Variants in ANKRD50 observed in about 807,000 individuals in gnomAD.
The protein encoded by ANKRD50 is ankyrin repeat domain-containing protein 50.
In ANKRD50, 40 loss-of-function variants were observed where a neutral mutation model predicts 112.0. The observed-to-expected ratio is 0.36, with a 90% CI of 0.28 to 0.46. ANKRD50 has a LOEUF of 0.46. ANKRD50 is among the 20% of genes least tolerant of loss of function. The pLI is 1.00. For missense variants in ANKRD50, 1,487 were observed against 1,701.7 expected, an observed-to-expected ratio of 0.87 and a Z score of 2.22; for synonymous variants, 613 against 619.1, an observed-to-expected ratio of 0.99 and a Z score of 0.15.
At chr4:124,681,461 TCAGGACCCAGCCC>T (rs1724884502) in intron 2 of ANKRD50, among the ~76,000 whole-genome samples, 1 of 152,106 alleles carries the variant, frequency 6.6e-6, no homozygotes, top group Admixed American at 6.5e-5. Flanking sequence ...GTACTGTGTC[TCAGGACCCAGCCC>T]CGCCTCTTCC....
At chr4:124,702,926 A>T (rs1725421821) in intron 2 of ANKRD50, among the ~76,000 whole-genome samples, 1 of 152,090 alleles carries the variant, frequency 6.6e-6, no homozygotes, top group Non-Finnish European at 1.5e-5. Flanking sequence ...TAGTTTAAAC[A>T]TAGGTTAGTG....
At position 124,710,467 on chromosome 4, in the gene ANKRD50, G is replaced by C; in HGVS notation, c.45C>G (p.Thr15=). The change falls in exon 2 of 5, where the codon ACC becomes ACG. Residue 15 remains threonine (T), a synonymous_variant. Coordinates refer to ENST00000504087, the MANE Select transcript of ANKRD50 (RefSeq NM_020337.3). ...AAAACTGCTTCCCTTGCAGTAAACT[G>C]GTTTGAGCCATTTTGCAGACTTTCT... ...WEEKVCKMAQ[T]SLLQGKQFYC... 1 of 1,613,810 alleles carries C rather than the reference G, an allele frequency of 6.2e-7. No individual in the cohort carries two copies.
chr4:124,672,415 T>C lies in ANKRD50; in HGVS notation c.862A>G (p.Thr288Ala). 6 of 1,613,252 alleles carry C rather than the reference T, an allele frequency of 3.7e-6. No homozygotes were observed. Among genetic ancestry groups the C allele is most frequent in the Non-Finnish European group, 5.1e-6 (6 of 1,179,684 alleles). ...TGCAGTTGATTTAACATCTCTGCAG[T>C]TTCTTTTGTGAGGTGTTGTCGCAAA... ...EALRQHLTKE[T>A]AEMLNQLHIK... Residue 288 changes from threonine (T) to alanine (A), a missense_variant, in exon 4 of 5, where the codon ACT becomes GCT. Coordinates refer to ENST00000504087, the MANE Select transcript of ANKRD50 (RefSeq NM_020337.3).
chr4:124,680,717 A>G (rs1724866918), intron 2 of ANKRD50, among the ~76,000 whole-genome samples: 1 of 152,194 alleles, frequency 6.6e-6, no homozygotes, highest in Non-Finnish European at 1.5e-5. Flanking sequence ...GCACACAGGA[A>G]GCCATCTTAA....
intron 2 of ANKRD50, among the ~76,000 whole-genome samples, chr4:124,695,281 G>A (rs1725228471): frequency 6.6e-6 from 1 of 152,148 alleles, no homozygotes; most frequent in Non-Finnish European, 1.5e-5. Flanking sequence ...TCCAAAGTGA[G>A]CAAAAGAATG....
chr4:124,685,782 C>T (rs568732975), intron 2 of ANKRD50, among the ~76,000 whole-genome samples: 9 of 148,146 alleles, frequency 6.1e-5, no homozygotes, highest in Non-Finnish European at 1.1e-4. Context: ...ATTTAAAATC[C>T]TAGAGTTAGT....
At chr4:124,696,079 T>C (rs895024656) in intron 2 of ANKRD50, among the ~76,000 whole-genome samples, 2 of 152,052 alleles carry the variant, frequency 1.3e-5, no homozygotes, top group Admixed American at 1.3e-4. Flanking sequence ...ATAATGCAAA[T>C]ATTTTTGCTA....
intron 2 of ANKRD50, among the ~76,000 whole-genome samples, chr4:124,696,390 A>T (rs1300128545): frequency 1.3e-5 from 2 of 152,132 alleles, no homozygotes; most frequent in Admixed American, 1.3e-4. Context: ...GAACACAGTT[A>T]AAAGGTACAA....
At chr4:124,700,964 A>C (rs1358490831) in intron 2 of ANKRD50, among the ~76,000 whole-genome samples, 1 of 152,224 alleles carries the variant, frequency 6.6e-6, no homozygotes, top group South Asian at 2.1e-4. Context: ...AGAGAAATAC[A>C]CTTTTTTGTG....
chr4:124,688,991 C>T (rs962184114), intron 2 of ANKRD50, among the ~76,000 whole-genome samples: 4 of 152,092 alleles, frequency 2.6e-5, no homozygotes, highest in Non-Finnish European at 5.9e-5. Flanking sequence ...AGAGGTCTTC[C>T]CTGACTACAT....
intron 2 of ANKRD50, among the ~76,000 whole-genome samples, chr4:124,705,263 C>T (rs76990883): frequency 0.012 from 1,758 of 152,296 alleles, 51 homozygotes; most frequent in East Asian, 0.08. Context: ...ATTTGGTCTC[C>T]CAGTTTGCAC....
chr4:124,669,411 C>G lies in ANKRD50; in HGVS notation c.3866G>C (p.Ser1289Thr), dbSNP rs765620183. The G allele has an allele frequency of 6.2e-7, 1 of 1,613,210 alleles. No individual in the cohort carries two copies. The highest frequency in any genetic ancestry group is 1.7e-5 in the Admixed American group (1 of 59,824). ...SGSAGKKAKQ[S>T]NSSQPKVLEY... is the part of the protein sequence containing the mutation. ...TAAAACCTTTGGCTGTGAAGAATTA[C>G]TTTGTTTCGCTTTTTTCCCAGCTGA... The change falls in exon 4 of 5, where the codon AGT (serine) becomes ACT (threonine). Residue 1289 changes from serine to threonine, a missense_variant. Ser to Thr is a moderately conservative substitution (Grantham distance 58). Transcript: ENST00000504087.
chr4:124,685,436 C>G (rs1450538847), intron 2 of ANKRD50, among the ~76,000 whole-genome samples: 3 of 152,168 alleles, frequency 2.0e-5, no homozygotes, highest in Admixed American at 6.5e-5. Context: ...AAGTGACACA[C>G]AGATTCACAT....
rs1421509914 is a variant in ANKRD50 at position 124,711,122 on chromosome 4, C to T, written c.-611G>A. 5.0e-6 allele frequency: 1 copy of T among 199,172 alleles called. No homozygotes were observed. Among genetic ancestry groups the T allele is most frequent in the African/African-American group, 2.3e-5 (1 of 43,442 alleles). 12.3% of individuals were successfully genotyped at this position (199,172 alleles called of 1,614,324 possible). A position where few individuals can be genotyped will look rare whatever the true frequency, so the allele number is the denominator to read the frequency against. The stretch of plus-strand genomic sequence containing the variant: ...GCCAGGAACTGTTTCAGATTATAGT[C>T]TCTTATGTGGCAGAAATGACAACCA... On this transcript the variant is annotated 5_prime_UTR_variant, in exon 2 of 5. Coordinates refer to ENST00000504087, the MANE Select transcript of ANKRD50 (RefSeq NM_020337.3).
chr4:124,686,935 G>T (rs114161370), intron 2 of ANKRD50, among the ~76,000 whole-genome samples: 4,408 of 152,118 alleles, frequency 0.029, 100 homozygotes, highest in Middle Eastern at 0.071. Flanking sequence ...AAAGCCTCCT[G>T]CAGAAAACAA....
At chr4:124,674,861 T>G (rs1485943837) in intron 3 of ANKRD50, among the ~76,000 whole-genome samples, 1 of 151,862 alleles carries the variant, frequency 6.6e-6, no homozygotes, top group Admixed American at 6.6e-5. Flanking sequence ...GTTATAATAG[T>G]TATCTGTTCA....
intron 4 of ANKRD50, 148 bp downstream of exon 4, chr4:124,668,836 T>C (rs1411485299): frequency 4.6e-6 from 3 of 651,516 alleles, no homozygotes; most frequent in Non-Finnish European, 5.1e-6. Flanking sequence ...AGAATTCTGA[T>C]GTAAAGGGGT....
At chr4:124,698,996 A>G (rs1319301924) in intron 2 of ANKRD50, among the ~76,000 whole-genome samples, 1 of 152,218 alleles carries the variant, frequency 6.6e-6, no homozygotes, top group Non-Finnish European at 1.5e-5. Flanking sequence ...AATGAATTAA[A>G]AGAAGTTTGA....
Position 124,678,016 on chromosome 4 carries a change from A to C in ANKRD50, c.742+660T>G, listed in dbSNP as rs570590518. 2.6e-5 allele frequency among the ~76,000 whole-genome samples: 4 copies of C among 152,264 alleles called. No homozygotes were observed. In the East Asian group the frequency reaches 7.7e-4, roughly 29 times the overall value. Reference sequence around the variant, plus strand: ...AACCAAAAGTGCTGCCTTTAGTAGCAAGGGAATTGAAGAGAGACAACCTGA... The same window carrying C: ...AACCAAAAGTGCTGCCTTTAGTAGCCAGGGAATTGAAGAGAGACAACCTGA... On this transcript the variant is annotated intron_variant, in intron 3 of 4. Transcript: ENST00000504087.
Sources: allele counts gnomAD v4.1 joint callset (sites outside exome capture counted in the v4.1 genomes callset), GRCh38; gene constraint gnomAD v4.1.1; transcripts MANE v1.5; gene names NCBI Gene and HGNC (gene_info 2026-07-23, HGNC 2026-07-21).